SS18L2: variants seen among roughly 807,000 people sequenced by gnomAD.
SS18L2 encodes the protein SS18-like protein 2.
A neutral mutation model predicts 10.3 loss-of-function variants in SS18L2; 8 were observed. The observed-to-expected ratio is 0.78, with a 90% confidence interval of 0.46 to 1.41. The LOEUF is 1.41. SS18L2 is among the 40% of genes most tolerant of loss of function. SS18L2 has a pLI of 0.00. For synonymous variants in SS18L2, 41 were observed against 34.6 expected (o/e 1.19, Z -0.65); for missense variants, 100 against 96.2 (o/e 1.04, Z -0.17).
chr3:42,595,671 T>C lies in SS18L2; in HGVS notation c.*1162T>C, dbSNP rs1358344770. On this transcript the variant is annotated 3_prime_UTR_variant, in exon 3 of 3. Coordinates refer to ENST00000011691, the MANE Select transcript of SS18L2 (RefSeq NM_001370300.1). ...TATAAAAAACTTTCACTCTTGGAGA[T>C]TTATCTGAAAGATGAGGCAAAGGGA... Among the ~76,000 whole-genome samples, 1 of 152,224 alleles carries C rather than the reference T, an allele frequency of 6.6e-6. No individual in the cohort carries two copies. The highest frequency in any genetic ancestry group is 2.4e-5 in the African/African-American group (1 of 41,462).
In SS18L2 at chr3:42,596,158, A is replaced by C. The variant is rs1189542931; in HGVS notation, c.*1649A>C. ...TGCCTCAGCCTCCCAAGTAGCTGGG[A>C]TTACAGGCATGTGGCACCATGCCTG... is the stretch of plus-strand genomic sequence containing the variant. On this transcript the variant is annotated 3_prime_UTR_variant, in exon 3 of 3. Coordinates refer to ENST00000011691, the MANE Select transcript of SS18L2 (RefSeq NM_001370300.1). 6.6e-6 allele frequency among the ~76,000 whole-genome samples: 1 copy of C among 151,818 alleles called. No homozygotes were observed. Among genetic ancestry groups the C allele is most frequent in the Non-Finnish European group, 1.5e-5 (1 of 67,972 alleles).
chr3:42,585,078 G>C (rs555004783), intron 1 of SS18L2, among the ~76,000 whole-genome samples: 1 of 152,116 alleles, frequency 6.6e-6, no homozygotes, highest in Non-Finnish European at 1.5e-5. Context: ...GCAGTAAGCC[G>C]AGATCGCACC....
At position 42,591,509 on chromosome 3, in the gene SS18L2, TTCTC is replaced by T. The variant is rs1409586399; in HGVS notation, c.70-14_70-11del. On this transcript the variant is annotated splice_polypyrimidine_tract_variant and intron_variant, in intron 1 of 2. Coordinates refer to ENST00000011691, the MANE Select transcript of SS18L2 (RefSeq NM_001370300.1). ...CGCCCGGCCTGCACTGACCCTTTCT[TTCTC>T]TGATCTTTCAGCTCCTTGAGGAGAA... The T allele has an allele frequency of 6.2e-7, 1 of 1,609,422 alleles. No homozygotes were observed. The highest frequency in any genetic ancestry group is 1.7e-5 in the Admixed American group (1 of 60,028).
intron 1 of SS18L2, chr3:42,591,324 G>C: frequency 1.7e-6 from 1 of 593,416 alleles, no homozygotes; most frequent in Non-Finnish European, 3.0e-6. Context: ...TCAGCCTCCT[G>C]AGTAGCTGGG....
At chr3:42,591,813 A>C (rs1041063974) in intron 2 of SS18L2, among the ~76,000 whole-genome samples, 6 of 152,192 alleles carry the variant, frequency 3.9e-5, no homozygotes, top group African/African-American at 1.4e-4. Context: ...CTCTTTCTTC[A>C]AAATGTGAAT....
intron 2 of SS18L2, among the ~76,000 whole-genome samples, chr3:42,593,910 C>A (rs1035079016): frequency 1.3e-5 from 2 of 151,954 alleles, no homozygotes; most frequent in Non-Finnish European, 2.9e-5. Context: ...AGGAGTGTGC[C>A]GGATATCTTC....
chr3:42,594,327 A>G, intron 2 of SS18L2, 95 bp from the exon 3 acceptor site: 1 of 869,848 alleles, frequency 1.1e-6, no homozygotes, highest in African/African-American at 1.7e-5. Flanking sequence ...TCAGTGGATG[A>G]GCCATTCCAC....
chr3:42,583,008 T>C (rs2125733407), intron 1 of SS18L2, among the ~76,000 whole-genome samples: 1 of 152,292 alleles, frequency 6.6e-6, no homozygotes, highest in South Asian at 2.1e-4. Flanking sequence ...AAAATGGTTA[T>C]GTACATTTTA....
chr3:42,583,763 C>T (rs1330183627), intron 1 of SS18L2, among the ~76,000 whole-genome samples: 1 of 152,190 alleles, frequency 6.6e-6, no homozygotes, highest in Admixed American at 6.5e-5. Flanking sequence ...AAATTCTCTA[C>T]TCTGGAGTTG....
chr3:42,584,549 C>A (rs1294025082), intron 1 of SS18L2, among the ~76,000 whole-genome samples: 1 of 152,232 alleles, frequency 6.6e-6, no homozygotes, highest in Admixed American at 6.5e-5. Flanking sequence ...AGCCACCACG[C>A]CTAGCCGGGA....
chr3:42,582,074 A>C (rs1452314389), intron 1 of SS18L2: 3 of 152,224 alleles, frequency 2.0e-5, no homozygotes, highest in Non-Finnish European at 2.9e-5. Flanking sequence ...GCGCCTCCAC[A>C]GCCCCCGTCC....
At chr3:42,593,339 C>T (rs1307396328) in intron 2 of SS18L2, among the ~76,000 whole-genome samples, 1 of 152,166 alleles carries the variant, frequency 6.6e-6, no homozygotes, top group African/African-American at 2.4e-5. Flanking sequence ...ATTGCTTGAA[C>T]CCAGGAGGTG....
chr3:42,589,688 C>A (rs1704748442), upstream of SS18L2, among the ~76,000 whole-genome samples: 1 of 152,180 alleles, frequency 6.6e-6, no homozygotes, highest in South Asian at 2.1e-4. Context: ...ATCTAGGTTG[C>A]GCGCTCCTAA....
At chr3:42,590,643 G>A (rs1012755960), upstream of SS18L2, among the ~76,000 whole-genome samples, 4 of 151,930 alleles carry the variant, frequency 2.6e-5, no homozygotes, top group African/African-American at 9.7e-5. Flanking sequence ...AGGTAGGTCA[G>A]CAGTAGACCC....
chr3:42,591,097 G>A, intron 1 of SS18L2, 131 bp downstream of exon 1: 1 of 1,016,698 alleles, frequency 9.8e-7, no homozygotes, highest in Non-Finnish European at 1.5e-6. Flanking sequence ...GCCGGGGTGC[G>A]GGGTGAGATG....
At chr3:42,591,652 G>C in intron 2 of SS18L2, 51 bp downstream of exon 2, 3 of 1,190,110 alleles carry the variant, frequency 2.5e-6, no homozygotes, top group Non-Finnish European at 2.5e-6. Context: ...GGGGAAGCCT[G>C]TGTGATGCGG....
At chr3:42,592,889 G>C (rs915254082) in intron 2 of SS18L2, among the ~76,000 whole-genome samples, 2 of 152,008 alleles carry the variant, frequency 1.3e-5, no homozygotes, top group African/African-American at 4.8e-5. Context: ...GTAAACTTAT[G>C]TTGATCATGA....
intron 1 of SS18L2, 160 bp from the exon 2 acceptor site, chr3:42,591,365 A>G (rs996240716): frequency 2.6e-5 from 16 of 611,230 alleles, no homozygotes; most frequent in Non-Finnish European, 4.4e-5. Context: ...CTCCCGGCTA[A>G]TTTTTGTATT....
upstream of SS18L2, chr3:42,587,562 A>G (rs1704655687): frequency 1.3e-5 from 2 of 151,388 alleles, no homozygotes; most frequent in South Asian, 4.2e-4. Flanking sequence ...CCCCGTCTCT[A>G]CTGAAAAAAA....
Sources: gnomAD v4.1 joint callset for allele counts (sites outside exome capture counted in the v4.1 genomes callset) on GRCh38, gnomAD v4.1.1 for gene constraint, MANE v1.5 for transcripts, NCBI Gene and HGNC (gene_info 2026-07-23, HGNC 2026-07-21) for gene names.